The following TELO2 variants were observed in gnomAD, a reference collection of about 807,000 sequenced individuals.
TELO2 encodes telomere maintenance 2, also known as telomere length regulation protein TEL2 homolog.
In TELO2, 71 loss-of-function variants were observed where a neutral mutation model predicts 91.0. The ratio of observed to expected loss-of-function variants is 0.78; its 90% confidence interval spans 0.64 to 0.95. The LOEUF is 0.95. Among genes scored for constraint, TELO2 ranks in the 40% least tolerant of loss-of-function variants. TELO2 has a pLI of 0.00. For synonymous variants in TELO2, 584 were observed against 518.9 expected, an observed-to-expected ratio of 1.13 and a Z score of -1.71; for missense variants, 1,183 against 1,141.3, an observed-to-expected ratio of 1.04 and a Z score of -0.53.
At position 1,500,548 on chromosome 16, in the gene TELO2, G is replaced by A. The variant is rs75303234; in HGVS notation, c.1145-15G>A. On this transcript the variant is annotated splice_polypyrimidine_tract_variant and intron_variant, in intron 8 of 20. Coordinates refer to ENST00000262319, the MANE Select transcript of TELO2 (RefSeq NM_016111.4). ...GCGCCCCGAGGTGCTCAGGGGGCCT[G>A]TCCGGTGCTTGCAGAACTGCTGGCC... 2.7e-3 allele frequency: 4,294 copies of A among 1,611,366 alleles called. 51 individuals are homozygous for A. In the African/African-American group the frequency reaches 0.028, roughly 10 times the overall value.
chr16:1,501,880 C>A, intron 11 of TELO2, 107 bp downstream of exon 11: 1 of 1,456,156 alleles, frequency 6.9e-7, no homozygotes, highest in Non-Finnish European at 9.4e-7. Flanking sequence ...CTCCGTGCTT[C>A]TTCTCTTTCG....
chr16:1,501,419 G>T lies in TELO2; in HGVS notation c.1282-1G>T. 3 of 1,612,400 alleles carry T rather than the reference G, an allele frequency of 1.9e-6. No individual in the cohort carries two copies. Among genetic ancestry groups the T allele is most frequent in the Non-Finnish European group, 2.5e-6 (3 of 1,179,720 alleles). ...CCGCTGAGCCTGCTCCCCTGCTGTA[G>T]TACGAAGAGGATGAACTGAGCCTCG... On this transcript the variant is annotated splice_acceptor_variant, in intron 9 of 20. Coordinates refer to ENST00000262319, the MANE Select transcript of TELO2 (RefSeq NM_016111.4). LOFTEE classifies it high-confidence loss of function.
Position 1,505,607 on chromosome 16 carries a change from T to C in TELO2, c.2034+6T>C, listed in dbSNP as rs1163883192. Reference sequence around the variant, plus strand: ...AGACCCAGCGGCTCTCCAAGGTTAGTGGCGCCTGGTCAGCTCCTCACGGGC... The same window carrying C: ...AGACCCAGCGGCTCTCCAAGGTTAGCGGCGCCTGGTCAGCTCCTCACGGGC... On this transcript the variant is annotated splice_donor_region_variant and intron_variant, in intron 16 of 20. Coordinates refer to ENST00000262319, the MANE Select transcript of TELO2 (RefSeq NM_016111.4). This position sits in a 1 kb window ranked among gnomAD's most constrained non-coding sequence, Gnocchi z 4.3. 1 of 1,448,932 alleles carries C rather than the reference T, an allele frequency of 6.9e-7. No individual in the cohort carries two copies. The highest frequency in any genetic ancestry group is 9.3e-7 in the Non-Finnish European group (1 of 1,070,988). 89.8% of individuals were successfully genotyped at this position (1,448,932 alleles called of 1,614,324 possible). A position where few individuals can be genotyped will look rare whatever the true frequency, so the allele number is the denominator to read the frequency against.
Position 1,501,444 on chromosome 16 carries a change from G to T in TELO2, c.1306G>T (p.Glu436Ter), listed in dbSNP as rs374647207. The change falls in exon 10 of 21, where the codon GAG becomes TAG. Residue 436 changes from glutamate (E) to a stop codon, truncating the protein, a stop_gained. Coordinates refer to ENST00000262319, the MANE Select transcript of TELO2 (RefSeq NM_016111.4). LOFTEE classifies it high-confidence loss of function. The stretch of plus-strand genomic sequence containing the variant: ...GTACGAAGAGGATGAACTGAGCCTC[G>T]AGCTGCTGGCCTTGGCCTCCCCCCA... ...FQYEEDELSL[E>*]LLALASPQPA... The T allele has an allele frequency of 1.9e-6, 3 of 1,612,202 alleles. No homozygotes were observed. The highest frequency in any genetic ancestry group is 8.5e-7 in the Non-Finnish European group (1 of 1,179,620).
Position 1,507,636 on chromosome 16 carries a change from C to G in TELO2, c.2327C>G (p.Ser776Cys), listed in dbSNP as rs762921827. The G allele has an allele frequency of 9.4e-6, 15 of 1,598,750 alleles. No homozygotes were observed. The Admixed American group carries it at 2.3e-4, about 25-fold the overall frequency. ...CAGGGGCTGTTGTCGGCCGTCTCCT[C>G]CGTCCTGCTCAGCCTGCCTGCTGCG... ...VRQGLLSAVS[S>C]VLLSLPAARL... Residue 776 changes from serine to cysteine, a missense_variant, in exon 20 of 21, where the codon TCC becomes TGC. Ser to Cys is a moderately radical substitution (Grantham distance 112). Transcript: ENST00000262319.
chr16:1,498,012 CTTT>C (rs1232168841), intron 5 of TELO2, among the ~76,000 whole-genome samples: 2 of 143,770 alleles, frequency 1.4e-5, no homozygotes, highest in South Asian at 2.2e-4. Context: ...ATTTCCTCCT[CTTT>C]TTTTTTTTTT....
chr16:1,498,986 G>C (rs1401965094), intron 5 of TELO2, among the ~76,000 whole-genome samples: 2 of 152,164 alleles, frequency 1.3e-5, no homozygotes, highest in South Asian at 2.1e-4. Flanking sequence ...GAAGGAGGCT[G>C]TCGGGGGTGG....
chr16:1,496,299 G>A (rs2039490539), intron 3 of TELO2, among the ~76,000 whole-genome samples: 1 of 152,220 alleles, frequency 6.6e-6, no homozygotes. Context: ...TCAGAGCCCA[G>A]GAGGAAGCCG....
intron 15 of TELO2, among the ~76,000 whole-genome samples, chr16:1,504,620 C>T (rs1251752966): frequency 1.1e-4 from 14 of 129,678 alleles, no homozygotes; most frequent in African/African-American, 3.0e-4. Flanking sequence ...TGCAGTGGCG[C>T]GATCTTGACT....
chr16:1,506,822 G>A, intron 17 of TELO2, 130 bp from the exon 18 acceptor site: 6 of 1,429,334 alleles, frequency 4.2e-6, no homozygotes, highest in Non-Finnish European at 5.5e-6. Context: ...TACGATCTCG[G>A]TGCAGGCAAG....
Position 1,501,698 on chromosome 16 carries a change from C to T in TELO2, c.1397C>T (p.Ala466Val). 6.2e-7 allele frequency: 1 copy of T among 1,612,810 alleles called. No homozygotes were observed. Among genetic ancestry groups the T allele is most frequent in the East Asian group, 2.2e-5 (1 of 44,876 alleles). Reference protein sequence around the residue: ...SLVPATAEPPAETPAEIVDGG... With the variant: ...SLVPATAEPPVETPAEIVDGG... ...GTTCCAGCCACGGCAGAGCCCCCTG[C>T]AGAGACCCCCGCAGAGATCGTGGAT... The change falls in exon 11 of 21, where the codon GCA becomes GTA. Residue 466 changes from alanine to valine, a missense_variant. Transcript: ENST00000262319.
rs1236505064 is a variant in TELO2 at position 1,505,879 on chromosome 16, T to C, written c.2034+278T>C. On this transcript the variant is annotated intron_variant, in intron 16 of 20. Transcript: ENST00000262319. This position sits in a 1 kb window ranked among gnomAD's most constrained non-coding sequence, Gnocchi z 4.3. ...CCATCTAGGCCAGGGGTGGTGTTGCTCCACCTGAGGATGTTTAGGGGCGTC... is the reference window on the plus strand; with the variant it reads ...CCATCTAGGCCAGGGGTGGTGTTGCCCCACCTGAGGATGTTTAGGGGCGTC... Among the ~76,000 whole-genome samples, 4 of 152,172 alleles carry C rather than the reference T, an allele frequency of 2.6e-5. No individual in the cohort carries two copies. The highest frequency in any genetic ancestry group is 9.7e-5 in the African/African-American group (4 of 41,448).
In TELO2 at chr16:1,493,898, G is replaced by C. The variant is rs2039388012; in HGVS notation, c.-37+293G>C. On this transcript the variant is annotated intron_variant, in intron 1 of 20. Coordinates refer to ENST00000262319, the MANE Select transcript of TELO2 (RefSeq NM_016111.4). The surrounding 1 kb of genome is among the most constrained non-coding windows in gnomAD (Gnocchi z 4.3). ...CCCGCGGGCCGAGTTTCCCGCCTTG[G>C]GTGCGAGGACGCGTGGGGCCGCGCT... 6.6e-6 allele frequency among the ~76,000 whole-genome samples: 1 copy of C among 152,246 alleles called. No homozygotes were observed. The highest frequency in any genetic ancestry group is 6.5e-5 in the Admixed American group (1 of 15,288).
chr16:1,504,041 G>C (rs1305167076), intron 15 of TELO2, among the ~76,000 whole-genome samples: 1 of 151,440 alleles, frequency 6.6e-6, no homozygotes, highest in Non-Finnish European at 1.5e-5. Context: ...CAGGAGGATG[G>C]CTTGAGCCCA....
rs769892759 is a variant in TELO2 at position 1,502,657 on chromosome 16, C to T, written c.1666C>T (p.Leu556=). 2.5e-6 allele frequency: 4 copies of T among 1,611,752 alleles called. No individual in the cohort carries two copies. Among genetic ancestry groups the T allele is most frequent in the Non-Finnish European group, 3.4e-6 (4 of 1,179,826 alleles). Residue 556 remains leucine (L), a synonymous_variant, in exon 14 of 21, where the codon CTG becomes TTG. Transcript: ENST00000262319. ...CCCCTGCGTGCAGGTGAGCGTGGAGCTGGCCAAGGTGCTTCTGCATCTGGA... is the reference window on the plus strand; with the variant it reads ...CCCCTGCGTGCAGGTGAGCGTGGAGTTGGCCAAGGTGCTTCTGCATCTGGA... ...PTATREVSVE[L]AKVLLHLEEK...
At chr16:1,503,902 T>C (rs1311084694) in intron 15 of TELO2, among the ~76,000 whole-genome samples, 1 of 150,828 alleles carries the variant, frequency 6.6e-6, no homozygotes, top group Non-Finnish European at 1.5e-5. Flanking sequence ...GAGACCAAAG[T>C]GGGAGGATTG....
chr16:1,499,799 T>G (rs2039612394), intron 6 of TELO2, among the ~76,000 whole-genome samples: 1 of 152,228 alleles, frequency 6.6e-6, no homozygotes, highest in Non-Finnish European at 1.5e-5. Context: ...ACACGAGAAC[T>G]TAAGATGGCG....
intron 2 of TELO2, 117 bp from the exon 3 acceptor site, chr16:1,495,229 C>A (rs2039435253): frequency 5.1e-6 from 7 of 1,383,678 alleles, no homozygotes; most frequent in Non-Finnish European, 6.7e-6. Context: ...TTTTGGACTT[C>A]ACGCTGGTTA....
intron 6 of TELO2, among the ~76,000 whole-genome samples, chr16:1,499,700 G>C (rs1200908559): frequency 6.6e-6 from 1 of 152,216 alleles, no homozygotes; most frequent in Non-Finnish European, 1.5e-5. Context: ...GGAGCCCGGA[G>C]GGGGTGAGCC....
Sources: allele counts gnomAD v4.1 joint callset (sites outside exome capture counted in the v4.1 genomes callset), GRCh38; gene constraint gnomAD v4.1.1; non-coding constraint Gnocchi (gnomAD v3.1); transcripts MANE v1.5; gene names NCBI Gene and HGNC (gene_info 2026-07-23, HGNC 2026-07-21).